Variants in SLC4A4 observed in about 807,000 individuals in gnomAD.
The protein encoded by SLC4A4 is solute carrier family 4 member 4.
In SLC4A4, 27 loss-of-function variants were observed where a neutral mutation model predicts 111.5. The observed-to-expected ratio is 0.24, with a 90% CI of 0.18 to 0.33. SLC4A4 has a LOEUF of 0.33. SLC4A4 is among the 10% of genes least tolerant of loss of function. SLC4A4 has a pLI of 1.00. For synonymous variants in SLC4A4, 443 were observed against 463.4 expected, an observed-to-expected ratio of 0.96 and a Z score of 0.57; for missense variants, 909 against 1,315.5, an observed-to-expected ratio of 0.69 and a Z score of 4.78.
At chr4:71,330,376 T>C (rs544479314) in intron 3 of SLC4A4, among the ~76,000 whole-genome samples, 1 of 151,956 alleles carries the variant, frequency 6.6e-6, no homozygotes, top group South Asian at 2.1e-4. Context: ...TTTGGGTAGG[T>C]AAAACAGAGA....
intron 15 of SLC4A4, among the ~76,000 whole-genome samples, chr4:71,492,723 G>A (rs1730048714): frequency 6.6e-6 from 1 of 151,926 alleles, no homozygotes; most frequent in Admixed American, 6.6e-5. Context: ...TCTAAAGTTT[G>A]TCGCTTTTAT....
chr4:71,294,437 G>T (rs1724616515), intron 3 of SLC4A4, among the ~76,000 whole-genome samples: 1 of 152,208 alleles, frequency 6.6e-6, no homozygotes, highest in Admixed American at 6.5e-5. Flanking sequence ...TTGGAACCTG[G>T]CTAGGGGAAG....
At chr4:71,148,822 A>C (rs1308612346) in intron 2 of SLC4A4, among the ~76,000 whole-genome samples, 1 of 152,116 alleles carries the variant, frequency 6.6e-6, no homozygotes, top group Non-Finnish European at 1.5e-5. Flanking sequence ...GTGTTGATTC[A>C]ATATCCTTAC....
At position 71,119,988 on chromosome 4, in the gene SLC4A4, A is replaced by G. The variant is rs78057106; in HGVS notation, c.-2+27196A>G. Among the ~76,000 whole-genome samples, 219 of 151,504 alleles carry G rather than the reference A, an allele frequency of 1.4e-3. 2 individuals are homozygous for G. In the East Asian group the frequency reaches 0.036, roughly 25 times the overall value. On this transcript the variant is annotated intron_variant, in intron 2 of 26. Transcript: ENST00000649996. ...AAATTTTTGTTATGTCACTTTGTGT[A>G]TTTTCCTCTTTCCTGAAGATATTTG...
intron 15 of SLC4A4, 113 bp downstream of exon 15, chr4:71,487,131 C>A: frequency 1.6e-6 from 1 of 643,464 alleles, no homozygotes; most frequent in South Asian, 1.8e-5. Flanking sequence ...GGCATGAACA[C>A]ATACGTAACA....
At chr4:71,291,402 G>A (rs1724336371) in intron 3 of SLC4A4, among the ~76,000 whole-genome samples, 1 of 151,968 alleles carries the variant, frequency 6.6e-6, no homozygotes, top group African/African-American at 2.4e-5. Context: ...TCATAACTGT[G>A]GCCATTAAAA....
At chr4:71,548,346 G>C (rs1735708559) in intron 20 of SLC4A4, among the ~76,000 whole-genome samples, 1 of 151,782 alleles carries the variant, frequency 6.6e-6, no homozygotes, top group African/African-American at 2.4e-5. Flanking sequence ...AAAATTAGGG[G>C]TCAATATATA....
At chr4:71,274,503 A>G (rs1722933352) in intron 3 of SLC4A4, among the ~76,000 whole-genome samples, 1 of 152,244 alleles carries the variant, frequency 6.6e-6, no homozygotes, top group Admixed American at 6.5e-5. Context: ...TTTGACAAGC[A>G]GTGGGGGTCA....
At chr4:71,139,192 TG>T (rs2069515451) in intron 2 of SLC4A4, among the ~76,000 whole-genome samples, 1 of 145,994 alleles carries the variant, frequency 6.8e-6, no homozygotes, top group South Asian at 2.1e-4. Flanking sequence ...TGTGTGTGTG[TG>T]TGTGTGTGTG....
chr4:71,193,164 G>T (rs1406728715), intron 1 of SLC4A4, among the ~76,000 whole-genome samples: 1 of 152,086 alleles, frequency 6.6e-6, no homozygotes, highest in Non-Finnish European at 1.5e-5. Context: ...GCATTCTTAC[G>T]TATGTCTTTT....
At chr4:71,282,379 G>A (rs181956867) in intron 3 of SLC4A4, among the ~76,000 whole-genome samples, 89 of 151,756 alleles carry the variant, frequency 5.9e-4, no homozygotes, top group African/African-American at 2.2e-3. Flanking sequence ...TCTGCCTCCT[G>A]GGTTCAAGTG....
At chr4:71,290,307 T>C (rs1005526720) in intron 3 of SLC4A4, among the ~76,000 whole-genome samples, 3 of 152,074 alleles carry the variant, frequency 2.0e-5, no homozygotes, top group Non-Finnish European at 2.9e-5. Flanking sequence ...TTTGGAACCT[T>C]AGAAGCAGCT....
chr4:71,267,701 C>T (rs1006296806), intron 3 of SLC4A4, among the ~76,000 whole-genome samples: 1 of 135,392 alleles, frequency 7.4e-6, no homozygotes, highest in Admixed American at 8.4e-5. Flanking sequence ...GGCTGAGGTA[C>T]GAGAATTGTT....
intron 1 of SLC4A4, among the ~76,000 whole-genome samples, chr4:71,088,940 G>T (rs1448793071): frequency 1.3e-5 from 2 of 151,990 alleles, no homozygotes; most frequent in Admixed American, 6.5e-5. Context: ...TCCTGAATTT[G>T]AATGTTGACC....
In SLC4A4 at chr4:71,109,942, A is replaced by C. The variant is rs574004750; in HGVS notation, c.-2+17150A>C. Among the ~76,000 whole-genome samples the C allele has an allele frequency of 4.9e-4, 74 of 152,322 alleles. 2 individuals carry two copies. Among genetic ancestry groups the C allele is most frequent in the African/African-American group, 1.7e-3 (70 of 41,572 alleles). Reference sequence around the variant, plus strand: ...AAGGTTGCTCTAGGAACACATGCACAACTGCCTGCCAGTGGGATGGGGGTG... The same window carrying C: ...AAGGTTGCTCTAGGAACACATGCACCACTGCCTGCCAGTGGGATGGGGGTG... On this transcript the variant is annotated intron_variant, in intron 2 of 26. Transcript: ENST00000649996.
chr4:71,452,654 C>T (rs570801079), intron 11 of SLC4A4, among the ~76,000 whole-genome samples: 1 of 152,312 alleles, frequency 6.6e-6, no homozygotes, highest in Non-Finnish European at 1.5e-5. Context: ...CTGGGGAAGA[C>T]TGAGGTTTGA....
intron 2 of SLC4A4, among the ~76,000 whole-genome samples, chr4:71,179,710 A>G (rs1745224146): frequency 6.6e-6 from 1 of 152,218 alleles, no homozygotes; most frequent in African/African-American, 2.4e-5. Context: ...GAGGATACAA[A>G]CAAATGGAAG....
Position 71,414,153 on chromosome 4 carries a change from G to A in SLC4A4, c.807+16500G>A, listed in dbSNP as rs6833848. Among the ~76,000 whole-genome samples, 1,048 of 152,344 alleles carry A rather than the reference G, an allele frequency of 6.9e-3. 11 individuals carry two copies. Among genetic ancestry groups the A allele is most frequent in the African/African-American group, 0.023 (952 of 41,580 alleles). ...AAATATGAAGGACAAAAAGTTGTGT[G>A]TAATTTCCAGGTGCCCATGCACTCC... On this transcript the variant is annotated intron_variant, in intron 7 of 25. Transcript: ENST00000264485.
At chr4:71,402,163 G>A (rs760250563) in intron 7 of SLC4A4, among the ~76,000 whole-genome samples, 37 of 152,082 alleles carry the variant, frequency 2.4e-4, no homozygotes, top group Admixed American at 4.6e-4. Context: ...GAAAGTATGC[G>A]GATGAAACCA....
Sources: allele counts gnomAD v4.1 joint callset (sites outside exome capture counted in the v4.1 genomes callset), GRCh38; gene constraint gnomAD v4.1.1; transcripts MANE v1.5; gene names NCBI Gene and HGNC (gene_info 2026-07-23, HGNC 2026-07-21).